The following FAM91A1 variants were observed in gnomAD, a reference collection of about 807,000 sequenced individuals.
FAM91A1 encodes the protein protein FAM91A1.
A neutral mutation model predicts 113.5 loss-of-function variants in FAM91A1; 41 were observed. The observed-to-expected ratio is 0.36, with a 90% confidence interval of 0.28 to 0.47. The LOEUF (loss-of-function observed/expected upper bound fraction) is 0.47, where lower values mean the gene tolerates loss of function less well. Ranked by LOEUF, FAM91A1 falls within the 20% of genes least tolerant of loss-of-function variation. The pLI is 1.00. For synonymous variants in FAM91A1, 307 were observed against 347.9 expected (o/e 0.88, Z 1.31); for missense variants, 696 against 1,001.2 (o/e 0.70, Z 4.11).
chr8:123,786,201 CT>C, intron 11 of FAM91A1: 3 of 330,546 alleles, frequency 9.1e-6, no homozygotes, highest in Non-Finnish European at 1.7e-5. Flanking sequence ...TGTTACAGAT[CT>C]TTTTTGGAAT....
At position 123,805,470 on chromosome 8, in the gene FAM91A1, G is replaced by C. The variant is rs1033219936; in HGVS notation, c.1882+131G>C. The C allele has an allele frequency of 3.7e-5, 27 of 726,902 alleles. No individual in the cohort carries two copies. The African/African-American group carries it at 4.1e-4, about 11-fold the overall frequency. The allele number at this position is 726,902 out of a possible 1,614,324, so 45.0% of individuals were successfully genotyped here. On this transcript the variant is annotated intron_variant, in intron 19 of 23. Transcript: ENST00000334705. ...GTTCTAGGTTCTTTGCTACTAAAGA[G>C]TGTTGGCAAAAGGTAGTTTTTTGTC...
rs574142684 is a variant in FAM91A1 at position 123,805,480 on chromosome 8, A to G, written c.1882+141A>G. ...CTTTGCTACTAAAGAGTGTTGGCAAAAGGTAGTTTTTTGTCATGTGCTTTG... is the reference window on the plus strand; with the variant it reads ...CTTTGCTACTAAAGAGTGTTGGCAAGAGGTAGTTTTTTGTCATGTGCTTTG... On this transcript the variant is annotated intron_variant, in intron 19 of 23. Transcript: ENST00000334705. 8.7e-4 allele frequency: 607 copies of G among 693,742 alleles called. 1 individual carries two copies. The highest frequency in any genetic ancestry group is 1.2e-3 in the Admixed American group (42 of 34,190). 43.0% of individuals were successfully genotyped at this position (693,742 alleles called of 1,614,324 possible).
intron 14 of FAM91A1, 75 bp downstream of exon 14, chr8:123,787,825 C>T (rs780591346): frequency 3.4e-5 from 40 of 1,187,802 alleles, no homozygotes; most frequent in Non-Finnish European, 4.8e-5. Flanking sequence ...GCCAATTATA[C>T]AGTCTGTTGA....
chr8:123,786,654 G>T, intron 12 of FAM91A1, 44 bp downstream of exon 12: 1 of 1,395,460 alleles, frequency 7.2e-7, no homozygotes, highest in South Asian at 1.2e-5. Flanking sequence ...CTGTAGGTAC[G>T]GCACATGTCC....
chr8:123,803,082 T>C (rs1459285488), intron 18 of FAM91A1, among the ~76,000 whole-genome samples: 3 of 152,148 alleles, frequency 2.0e-5, no homozygotes, highest in Admixed American at 2.0e-4. Context: ...CTGAGGTGAA[T>C]TGCTTGAGCC....
At chr8:123,788,190 A>G (rs1815303437) in intron 14 of FAM91A1, 1 of 985,094 alleles carries the variant, frequency 1.0e-6, no homozygotes, top group Non-Finnish European at 1.2e-6. Flanking sequence ...CGCTCTCACT[A>G]TCCCTTTTAG....
chr8:123,808,862 TAA>T, intron 21 of FAM91A1, 29 bp from the exon 22 acceptor site: 2 of 1,578,204 alleles, frequency 1.3e-6, no homozygotes, highest in Non-Finnish European at 1.7e-6. Flanking sequence ...ATATATATGA[TAA>T]AAAAATAAGT....
rs147241738 is a variant in FAM91A1, at chr8:123,776,779, T to A, written c.310-486T>A. Among the ~76,000 whole-genome samples the A allele has an allele frequency of 4.3e-3, 655 of 152,306 alleles. 2 individuals are homozygous for A. The highest frequency in any genetic ancestry group is 0.015 in the African/African-American group (619 of 41,562). On this transcript the variant is annotated intron_variant, in intron 3 of 23. Coordinates refer to ENST00000334705, the MANE Select transcript of FAM91A1 (RefSeq NM_144963.4). ...TGGGTTTGTTATTGGAGAAACAGAT[T>A]GGGGCAGAAAAAGCTGGATACCAAG... is the stretch of plus-strand genomic sequence containing the variant.
At chr8:123,774,968 A>G (rs1035283505) in intron 2 of FAM91A1, among the ~76,000 whole-genome samples, 179 bp from the exon 3 acceptor site, 3 of 152,148 alleles carry the variant, frequency 2.0e-5, no homozygotes, top group East Asian at 1.9e-4. Context: ...TTTTACTTCT[A>G]TACTCTAAAA....
intron 8 of FAM91A1, among the ~76,000 whole-genome samples, chr8:123,783,126 C>T (rs1815164293): frequency 6.6e-6 from 1 of 152,108 alleles, no homozygotes; most frequent in Non-Finnish European, 1.5e-5. Flanking sequence ...CAGTAAGCCA[C>T]AATCCCCACC....
chr8:123,812,486 G>A, intron 23 of FAM91A1, 33 bp from the exon 24 acceptor site: 5 of 1,536,566 alleles, frequency 3.3e-6, no homozygotes, highest in Non-Finnish European at 3.5e-6. Context: ...GTAAAGTGTT[G>A]AATATCATTT....
chr8:123,789,515 A>G (rs1456891112), intron 14 of FAM91A1, 98 bp from the exon 15 acceptor site: 2 of 1,545,820 alleles, frequency 1.3e-6, no homozygotes, highest in Non-Finnish European at 1.7e-6. Flanking sequence ...TTGATTTACT[A>G]CTTTTGAATA....
chr8:123,799,993 G>A, intron 18 of FAM91A1, 108 bp downstream of exon 18: 1 of 945,426 alleles, frequency 1.1e-6, no homozygotes, highest in Non-Finnish European at 1.5e-6. Flanking sequence ...AATTTATGAA[G>A]TTGAAATGTA....
intron 16 of FAM91A1, among the ~76,000 whole-genome samples, chr8:123,799,260 T>G (rs1054330778): frequency 6.6e-6 from 1 of 152,208 alleles, no homozygotes; most frequent in African/African-American, 2.4e-5. Flanking sequence ...CTTCCTGAGG[T>G]GATATGGCTG....
At chr8:123,795,565 T>C (rs1815497285) in intron 15 of FAM91A1, among the ~76,000 whole-genome samples, 1 of 152,190 alleles carries the variant, frequency 6.6e-6, no homozygotes, top group Admixed American at 6.5e-5. Context: ...CAGAGGCCAC[T>C]CTGCTTCCTG....
chr8:123,792,413 A>G (rs1326824056), intron 15 of FAM91A1, among the ~76,000 whole-genome samples: 2 of 152,212 alleles, frequency 1.3e-5, no homozygotes, highest in African/African-American at 4.8e-5. Context: ...CGTACTGTTT[A>G]TAAATAAAAG....
intron 1 of FAM91A1, among the ~76,000 whole-genome samples, chr8:123,773,756 A>G (rs566188746): frequency 1.3e-5 from 2 of 152,300 alleles, no homozygotes; most frequent in East Asian, 3.9e-4. Flanking sequence ...TCAGGAAGGA[A>G]ATCTTTATAA....
At chr8:123,784,749 T>C (rs1815211373) in intron 9 of FAM91A1, 173 bp downstream of exon 9, 1 of 446,824 alleles carries the variant, frequency 2.2e-6, no homozygotes, top group Non-Finnish European at 3.8e-6. Context: ...TATATTAAAA[T>C]TTAAGTTAAT....
chr8:123,777,996 G>A (rs780164628), intron 4 of FAM91A1, 29 bp from the exon 5 acceptor site: 2 of 1,587,458 alleles, frequency 1.3e-6, no homozygotes, highest in South Asian at 1.1e-5. Context: ...TATGTTAAAT[G>A]TTTTTAAAGG....
Sources: allele counts gnomAD v4.1 joint callset (sites outside exome capture counted in the v4.1 genomes callset), GRCh38; gene constraint gnomAD v4.1.1; transcripts MANE v1.5; gene names NCBI Gene and HGNC (gene_info 2026-07-23, HGNC 2026-07-21).